Variants in SRPK1 observed in about 807,000 individuals in gnomAD.
SRPK1 encodes the protein SRSF protein kinase 1.
In SRPK1, 52 loss-of-function variants were observed where a neutral mutation model predicts 89.5. The ratio of observed to expected loss-of-function variants is 0.58; its 90% CI spans 0.46 to 0.73. The LOEUF is 0.73. SRPK1 is among the 30% of genes least tolerant of loss of function. The probability of loss-of-function intolerance (pLI) is 0.00; values close to 1 mark genes in which losing one functional copy is unlikely to be tolerated. For missense variants in SRPK1, 603 were observed against 780.6 expected (o/e 0.77, Z 2.71); for synonymous variants, 255 against 270.2 (o/e 0.94, Z 0.55).
intron 13 of SRPK1, among the ~76,000 whole-genome samples, chr6:35,843,812 T>C (rs1182044755): frequency 1.3e-5 from 2 of 152,076 alleles, no homozygotes; most frequent in Non-Finnish European, 2.9e-5. Context: ...CTAGCCTATG[T>C]GACTGGCAAG....
chr6:35,853,212 ATTGAG>A (rs529511127), intron 13 of SRPK1, among the ~76,000 whole-genome samples: 19 of 152,106 alleles, frequency 1.2e-4, no homozygotes, highest in Non-Finnish European at 2.1e-4. Flanking sequence ...TTGGGGTTAT[ATTGAG>A]TTATGATCAC....
chr6:35,893,366 T>C (rs1770560780), intron 2 of SRPK1, among the ~76,000 whole-genome samples: 1 of 152,128 alleles, frequency 6.6e-6, no homozygotes, highest in East Asian at 1.9e-4. Flanking sequence ...GTGCCTGTAG[T>C]CCCAGCTACT....
At chr6:35,869,161 C>T (rs761837780) in intron 11 of SRPK1, 51 bp from the exon 12 acceptor site, 6 of 1,428,474 alleles carry the variant, frequency 4.2e-6, no homozygotes, top group Admixed American at 1.9e-5. Flanking sequence ...CAGAGAAATA[C>T]TCAATGAGTA....
intron 3 of SRPK1, among the ~76,000 whole-genome samples, chr6:35,890,178 G>A (rs9470157): frequency 0.31 from 47,751 of 151,796 alleles, 7,697 homozygotes; most frequent in South Asian, 0.42. Flanking sequence ...CACAAGAATC[G>A]CTTGAATCCA....
At chr6:35,878,959 C>T (rs1023507618) in intron 6 of SRPK1, among the ~76,000 whole-genome samples, 2 of 152,090 alleles carry the variant, frequency 1.3e-5, no homozygotes, top group Non-Finnish European at 2.9e-5. Flanking sequence ...GGTGTGGTGG[C>T]ATGCACCTGT....
intron 5 of SRPK1, among the ~76,000 whole-genome samples, chr6:35,887,218 C>T (rs937315603): frequency 2.6e-5 from 4 of 151,900 alleles, no homozygotes; most frequent in African/African-American, 7.3e-5. Flanking sequence ...TGTTGATTTA[C>T]TTTTGGGTAG....
chr6:35,894,319 A>G (rs1770586662), intron 2 of SRPK1, among the ~76,000 whole-genome samples: 1 of 152,242 alleles, frequency 6.6e-6, no homozygotes. Flanking sequence ...AAAGTCAGAA[A>G]GAAGTTCTAG....
intron 15 of SRPK1, among the ~76,000 whole-genome samples, chr6:35,836,886 T>C (rs1285794525): frequency 6.6e-6 from 1 of 152,080 alleles, no homozygotes; most frequent in Non-Finnish European, 1.5e-5. Context: ...TGACTGCACA[T>C]GAGGAGGAAC....
At chr6:35,880,431 T>C (rs544184021) in intron 6 of SRPK1, among the ~76,000 whole-genome samples, 17 of 151,606 alleles carry the variant, frequency 1.1e-4, no homozygotes, top group South Asian at 6.2e-4. Flanking sequence ...AGAAGAAGAA[T>C]AGAGGAGGAG....
chr6:35,843,724 C>T (rs1026027397), intron 13 of SRPK1, among the ~76,000 whole-genome samples: 1 of 152,154 alleles, frequency 6.6e-6, no homozygotes, highest in African/African-American at 2.4e-5. Context: ...GCTGGGATTA[C>T]AGGCGTGAGC....
At chr6:35,920,673 G>A (rs1306586427) in intron 1 of SRPK1, 145 bp from the exon 2 acceptor site, 8 of 418,420 alleles carry the variant, frequency 1.9e-5, no homozygotes, top group Admixed American at 1.1e-4. Context: ...GGCCGGCCGT[G>A]GGGCTGGCGG....
At chr6:35,845,973 A>T (rs912290289) in intron 13 of SRPK1, among the ~76,000 whole-genome samples, 1 of 152,272 alleles carries the variant, frequency 6.6e-6, no homozygotes, top group South Asian at 2.1e-4. Flanking sequence ...CCTGTCTTCA[A>T]CAATCCATAC....
intron 7 of SRPK1, among the ~76,000 whole-genome samples, 160 bp downstream of exon 7, chr6:35,874,073 C>T (rs1009950350): frequency 2.6e-5 from 4 of 151,800 alleles, no homozygotes; most frequent in Non-Finnish European, 5.9e-5. Context: ...GTGATCTGCC[C>T]GCCTCGGCCT....
intron 6 of SRPK1, 77 bp downstream of exon 6, chr6:35,886,647 G>T: frequency 1.2e-6 from 1 of 837,610 alleles, no homozygotes; most frequent in Non-Finnish European, 2.0e-6. Context: ...AGACACCAAG[G>T]CCATCTACAC....
rs577430024 is a variant in SRPK1, at chr6:35,878,031, T to TC, written c.479-3693dup. Among the ~76,000 whole-genome samples the TC allele has an allele frequency of 2.6e-5, 4 of 151,810 alleles. No homozygotes were observed. The South Asian group carries it at 8.3e-4, about 32-fold the overall frequency. On this transcript the variant is annotated intron_variant, in intron 6 of 15. Coordinates refer to ENST00000373825, the MANE Select transcript of SRPK1 (RefSeq NM_003137.5). ...TGGAAAAATAATCCAAACAAACAAA[T>TC]CCACACATCCACAAAAGCAAGCTTT...
intron 6 of SRPK1, among the ~76,000 whole-genome samples, chr6:35,884,482 C>T (rs1208712932): frequency 5.9e-5 from 9 of 152,080 alleles, no homozygotes; most frequent in African/African-American, 1.2e-4. Flanking sequence ...GTTGGGAAAA[C>T]GGGTAGAGGC....
chr6:35,911,399 G>C (rs767350307), intron 2 of SRPK1, among the ~76,000 whole-genome samples: 7 of 151,926 alleles, frequency 4.6e-5, no homozygotes, highest in Non-Finnish European at 8.8e-5. Context: ...GAACAGATGA[G>C]GAGCTGCTTC....
chr6:35,900,207 T>C (rs1770712112), intron 2 of SRPK1, among the ~76,000 whole-genome samples: 1 of 151,998 alleles, frequency 6.6e-6, no homozygotes, highest in South Asian at 2.1e-4. Flanking sequence ...AACAAACTGT[T>C]AGTGTAAGAA....
At chr6:35,838,164 G>A (rs151284409) in intron 15 of SRPK1, among the ~76,000 whole-genome samples, 173 bp downstream of exon 15, 96 of 152,162 alleles carry the variant, frequency 6.3e-4, no homozygotes, top group African/African-American at 2.2e-3. Context: ...CACCGCGCCC[G>A]GCTCAGTCTC....
Sources: allele counts gnomAD v4.1 joint callset (sites outside exome capture counted in the v4.1 genomes callset), GRCh38; gene constraint gnomAD v4.1.1; transcripts MANE v1.5; gene names NCBI Gene and HGNC (gene_info 2026-07-23, HGNC 2026-07-21).